The following PDE10A variants were observed in gnomAD, a reference collection of about 807,000 sequenced individuals.
The protein encoded by PDE10A is phosphodiesterase 10A.
Under a neutral mutation model 97.7 loss-of-function variants are expected in PDE10A, and 39 were observed. That is an observed-to-expected ratio of 0.40 (90% confidence interval 0.31 to 0.52). PDE10A has a LOEUF of 0.52. PDE10A is among the 20% of genes least tolerant of loss of function. The pLI, the probability that PDE10A is intolerant of heterozygous loss-of-function variation, is 0.56. For missense variants in PDE10A, 731 were observed against 1,047.8 expected (o/e 0.70, Z 4.17); for synonymous variants, 371 against 376.8 (o/e 0.98, Z 0.18).
chr6:165,799,825 C>A (rs1778935862), intron 1 of PDE10A, among the ~76,000 whole-genome samples: 1 of 152,206 alleles, frequency 6.6e-6, no homozygotes, highest in Non-Finnish European at 1.5e-5. Flanking sequence ...GGGGAACATA[C>A]AACACTGAAA....
chr6:165,486,110 G>T (rs1481199520), intron 2 of PDE10A, among the ~76,000 whole-genome samples: 1 of 152,180 alleles, frequency 6.6e-6, no homozygotes, highest in Non-Finnish European at 1.5e-5. Context: ...TGTAAAAGGG[G>T]ATTAATGAAT....
intron 2 of PDE10A, among the ~76,000 whole-genome samples, chr6:165,512,940 G>C (rs1583441313): frequency 6.6e-6 from 1 of 151,624 alleles, no homozygotes; most frequent in African/African-American, 2.4e-5. Context: ...TCCTTTATTG[G>C]CCATTTATAT....
chr6:165,915,049 C>G (rs1023205366), intron 1 of PDE10A, among the ~76,000 whole-genome samples: 4 of 152,298 alleles, frequency 2.6e-5, no homozygotes, highest in Non-Finnish European at 5.9e-5. Flanking sequence ...CATTTAGGCA[C>G]TTTGTAATTA....
chr6:165,610,435 G>A (rs1787435587), intron 1 of PDE10A, among the ~76,000 whole-genome samples: 1 of 151,724 alleles, frequency 6.6e-6, no homozygotes, highest in Non-Finnish European at 1.5e-5. Context: ...GGAGGCTGAG[G>A]CAGGAGAATA....
At chr6:165,340,911 C>A (rs1781935202) in intron 19 of PDE10A, among the ~76,000 whole-genome samples, 1 of 152,180 alleles carries the variant, frequency 6.6e-6, no homozygotes, top group Non-Finnish European at 1.5e-5. Context: ...CGGATGGAAT[C>A]CGAATTATTA....
At chr6:165,606,155 A>G (rs1392191161) in intron 1 of PDE10A, among the ~76,000 whole-genome samples, 2 of 113,360 alleles carry the variant, frequency 1.8e-5, no homozygotes, top group East Asian at 4.7e-4. Flanking sequence ...GAACAAGCGA[A>G]AAAAAAAAAA....
intron 2 of PDE10A, among the ~76,000 whole-genome samples, chr6:165,537,260 T>C (rs1042937744): frequency 2.0e-5 from 3 of 151,996 alleles, no homozygotes; most frequent in African/African-American, 7.2e-5. Flanking sequence ...GAGAGTAGAT[T>C]GGTAGTTACC....
chr6:165,863,930 A>G (rs1279658209), intron 1 of PDE10A, among the ~76,000 whole-genome samples: 1 of 152,242 alleles, frequency 6.6e-6, no homozygotes, highest in Admixed American at 6.5e-5. Context: ...TGGCTGTATT[A>G]GCAATACTGA....
chr6:165,501,019 T>C (rs1321248380), intron 2 of PDE10A, among the ~76,000 whole-genome samples: 1 of 152,086 alleles, frequency 6.6e-6, no homozygotes, highest in African/African-American at 2.4e-5. Flanking sequence ...ACTATTACCC[T>C]ATTGTCCTGC....
intron 1 of PDE10A, among the ~76,000 whole-genome samples, chr6:165,906,311 C>G (rs1340989551): frequency 5.3e-5 from 8 of 151,740 alleles, no homozygotes; most frequent in Non-Finnish European, 7.4e-5. Context: ...CCATTTCACA[C>G]TTTTCCCAGC....
At chr6:165,532,374 C>T (rs566756052) in intron 2 of PDE10A, among the ~76,000 whole-genome samples, 1 of 151,576 alleles carries the variant, frequency 6.6e-6, no homozygotes, top group Non-Finnish European at 1.5e-5. Flanking sequence ...GACACAGATT[C>T]AGCTATAACG....
intron 1 of PDE10A, among the ~76,000 whole-genome samples, chr6:165,972,084 T>C (rs1450533135): frequency 6.6e-6 from 1 of 152,116 alleles, no homozygotes; most frequent in African/African-American, 2.4e-5. Context: ...AAAGGAAGCC[T>C]GAAAGAATCT....
At chr6:165,644,222 AT>A (rs67743265) in intron 1 of PDE10A, among the ~76,000 whole-genome samples, 35,156 of 151,196 alleles carry the variant, frequency 0.23, 5,133 homozygotes, top group Admixed American at 0.38. Context: ...CGCCCCGCTA[AT>A]TTTTTTTTGT....
chr6:165,920,228 C>G (rs1315838637), intron 1 of PDE10A, among the ~76,000 whole-genome samples: 1 of 152,140 alleles, frequency 6.6e-6, no homozygotes, highest in Non-Finnish European at 1.5e-5. Context: ...TTACAGACCC[C>G]TAATCAAAAC....
chr6:165,644,541 C>T (rs554471464), intron 1 of PDE10A, among the ~76,000 whole-genome samples: 2 of 152,300 alleles, frequency 1.3e-5, no homozygotes, highest in South Asian at 4.1e-4. Flanking sequence ...GTACCTGTCA[C>T]CCAGGGAAGG....
At chr6:165,485,581 C>T (rs1378856316) in intron 2 of PDE10A, among the ~76,000 whole-genome samples, 1 of 149,960 alleles carries the variant, frequency 6.7e-6, no homozygotes, top group Non-Finnish European at 1.5e-5. Context: ...AATGTGTCTA[C>T]ACTGACAGCA....
chr6:165,801,994 G>T (rs1463362433), intron 1 of PDE10A, among the ~76,000 whole-genome samples: 2 of 152,186 alleles, frequency 1.3e-5, no homozygotes, highest in Admixed American at 6.5e-5. Flanking sequence ...AAATGTAAAG[G>T]CCTGGAACTT....
chr6:165,551,054 T>C (rs1783990663), intron 1 of PDE10A, among the ~76,000 whole-genome samples: 1 of 152,148 alleles, frequency 6.6e-6, no homozygotes, highest in African/African-American at 2.4e-5. Flanking sequence ...AGAAAACGTA[T>C]CTTGTGTCAT....
chr6:165,844,075 G>A (rs533965206), intron 1 of PDE10A, among the ~76,000 whole-genome samples: 2 of 152,272 alleles, frequency 1.3e-5, no homozygotes, highest in African/African-American at 2.4e-5. Context: ...GGGGTACCTC[G>A]CAGGTGAGAT....
Sources: allele counts gnomAD v4.1 joint callset (sites outside exome capture counted in the v4.1 genomes callset), GRCh38; gene constraint gnomAD v4.1.1; transcripts MANE v1.5; gene names NCBI Gene and HGNC (gene_info 2026-07-23, HGNC 2026-07-21).